The following MEGF11 variants were observed in gnomAD, a reference collection of about 807,000 sequenced individuals.
MEGF11 encodes the protein multiple EGF like domains 11.
A neutral mutation model predicts 146.6 loss-of-function variants in MEGF11; 126 were observed. The observed-to-expected ratio is 0.86, with a 90% CI of 0.74 to 1.00. The LOEUF (loss-of-function observed/expected upper bound fraction) is 1.00, where lower values mean the gene tolerates loss of function less well. Among genes scored for constraint, MEGF11 ranks in the 50% least tolerant of loss-of-function variants. The pLI is 0.00. For missense variants in MEGF11, 1,509 were observed against 1,521.2 expected, an observed-to-expected ratio of 0.99 and a Z score of 0.13; for synonymous variants, 532 against 583.4, an observed-to-expected ratio of 0.91 and a Z score of 1.27.
chr15:66,049,991 C>T (rs2084385209), intron 5 of MEGF11, among the ~76,000 whole-genome samples: 1 of 152,230 alleles, frequency 6.6e-6, no homozygotes, highest in African/African-American at 2.4e-5. Context: ...ATTCTAGGTA[C>T]TGAGGATACA....
chr15:66,069,975 T>C lies in MEGF11; in HGVS notation c.394+24427A>G, dbSNP rs537926779. On this transcript the variant is annotated intron_variant, in intron 5 of 25. Transcript: ENST00000395614. ...TGGAATAGATTTGGCCCATGGACCA[T>C]AGCTTGCTGACCACCGCTCTAAGAA... is the stretch of plus-strand genomic sequence containing the variant. Among the ~76,000 whole-genome samples the C allele has an allele frequency of 1.6e-3, 247 of 152,346 alleles. 15 individuals are homozygous for C. The South Asian group carries it at 0.05, about 31-fold the overall frequency.
At chr15:66,058,640 A>T (rs2084776547) in intron 5 of MEGF11, among the ~76,000 whole-genome samples, 1 of 152,052 alleles carries the variant, frequency 6.6e-6, no homozygotes, top group South Asian at 2.1e-4. Flanking sequence ...TGAGGAAGGG[A>T]TAAAGTTGCC....
intron 1 of MEGF11, among the ~76,000 whole-genome samples, chr15:66,221,336 C>T (rs912238105): frequency 4.6e-5 from 7 of 152,072 alleles, no homozygotes; most frequent in African/African-American, 9.7e-5. Flanking sequence ...CCCATGCTTC[C>T]GGCCCCAGCT....
intron 5 of MEGF11, among the ~76,000 whole-genome samples, chr15:66,025,936 A>G (rs1471912763): frequency 6.6e-6 from 1 of 152,206 alleles, no homozygotes; most frequent in African/African-American, 2.4e-5. Flanking sequence ...AAAGGAGAAA[A>G]GGGCAGGGCA....
At chr15:65,934,239 T>TTTTGTTTG (rs369614003) in intron 10 of MEGF11, among the ~76,000 whole-genome samples, 17 of 151,712 alleles carry the variant, frequency 1.1e-4, no homozygotes, top group African/African-American at 2.4e-4. Flanking sequence ...CAAAGTGAGT[T>TTTTGTTTG]TTTGTTTGTT....
At chr15:66,186,805 A>G (rs186737950) in intron 1 of MEGF11, among the ~76,000 whole-genome samples, 1 of 152,380 alleles carries the variant, frequency 6.6e-6, no homozygotes, top group East Asian at 1.9e-4. Flanking sequence ...AACAGACATG[A>G]TGATCCTCAT....
At chr15:66,023,947 T>G (rs1385446426) in intron 5 of MEGF11, among the ~76,000 whole-genome samples, 1 of 151,862 alleles carries the variant, frequency 6.6e-6, no homozygotes, top group Non-Finnish European at 1.5e-5. Context: ...GGGTTGCCAG[T>G]GGTGGGCTGA....
chr15:66,051,278 C>T (rs1037159705), intron 5 of MEGF11, among the ~76,000 whole-genome samples: 42 of 151,970 alleles, frequency 2.8e-4, no homozygotes, highest in African/African-American at 5.1e-4. Flanking sequence ...TGAGTGTTGG[C>T]GGGAAGAAGG....
intron 20 of MEGF11, chr15:65,912,480 A>G (rs2141196619): frequency 7.8e-6 from 2 of 255,932 alleles, no homozygotes; most frequent in Admixed American, 5.5e-5. Flanking sequence ...TGGATGGGGC[A>G]TGTTTGCTTT....
chr15:65,920,895 G>A (rs1014954385), intron 15 of MEGF11, among the ~76,000 whole-genome samples: 4 of 152,210 alleles, frequency 2.6e-5, no homozygotes, highest in African/African-American at 9.6e-5. Flanking sequence ...GCATCTGAGA[G>A]TTACTCCTCG....
At chr15:65,908,946 G>A (rs1409905070) in intron 23 of MEGF11, 88 bp downstream of exon 23, 3 of 782,504 alleles carry the variant, frequency 3.8e-6, no homozygotes, top group Middle Eastern at 6.6e-4. Flanking sequence ...GGACCACAGG[G>A]TGGGGGTCAA....
intron 10 of MEGF11, 98 bp downstream of exon 10, chr15:65,957,449 C>T (rs1178876408): frequency 9.3e-6 from 11 of 1,179,050 alleles, no homozygotes; most frequent in Non-Finnish European, 1.3e-5. Flanking sequence ...CACAAGGAGG[C>T]AGCTGGGTGC....
At chr15:66,172,365 C>T (rs2090283183) in intron 1 of MEGF11, among the ~76,000 whole-genome samples, 1 of 152,228 alleles carries the variant, frequency 6.6e-6, no homozygotes, top group South Asian at 2.1e-4. Context: ...ATTCACGGCC[C>T]TGCCTGCTCC....
intron 15 of MEGF11, among the ~76,000 whole-genome samples, chr15:65,920,244 T>G (rs2079132875): frequency 6.6e-6 from 1 of 152,224 alleles, no homozygotes. Flanking sequence ...GGCTGGCTGA[T>G]TTGGGGCCCC....
chr15:66,121,046 A>G (rs949234504), intron 3 of MEGF11, among the ~76,000 whole-genome samples: 2 of 152,220 alleles, frequency 1.3e-5, no homozygotes, highest in African/African-American at 4.8e-5. Flanking sequence ...CGGAGGGTGC[A>G]AGCTGTTAGC....
chr15:66,071,867 C>T (rs1482195090), intron 5 of MEGF11, among the ~76,000 whole-genome samples: 4 of 152,200 alleles, frequency 2.6e-5, no homozygotes, highest in Non-Finnish European at 5.9e-5. Context: ...GAAACAACTC[C>T]GTTCACTCCG....
chr15:66,171,273 C>A (rs754736431), intron 1 of MEGF11, among the ~76,000 whole-genome samples: 52 of 152,328 alleles, frequency 3.4e-4, no homozygotes, highest in South Asian at 1.0e-3. Flanking sequence ...TCTGCTCAAC[C>A]ACGGGGGCGG....
At chr15:66,053,389 G>A (rs951609726) in intron 5 of MEGF11, among the ~76,000 whole-genome samples, 1 of 152,130 alleles carries the variant, frequency 6.6e-6, no homozygotes, top group Non-Finnish European at 1.5e-5. Context: ...ACCTGCTTTA[G>A]ATTTCTCATG....
chr15:66,156,897 C>T (rs143899720), intron 1 of MEGF11, among the ~76,000 whole-genome samples: 59 of 152,210 alleles, frequency 3.9e-4, no homozygotes, highest in African/African-American at 1.4e-3. Flanking sequence ...CAGGCAGAAC[C>T]CCCTAAACCC....
Sources: gnomAD v4.1 joint callset for allele counts (sites outside exome capture counted in the v4.1 genomes callset) on GRCh38, gnomAD v4.1.1 for gene constraint, MANE v1.5 for transcripts, NCBI Gene and HGNC (gene_info 2026-07-23, HGNC 2026-07-21) for gene names.